Variants in DNAH9 observed in about 807,000 individuals in gnomAD.
The protein encoded by DNAH9 is DNAH9 variant protein.
Under a neutral mutation model 471.6 loss-of-function variants are expected in DNAH9, and 345 were observed. The observed-to-expected ratio is 0.73, with a 90% CI of 0.67 to 0.80. The LOEUF (loss-of-function observed/expected upper bound fraction) is 0.80. Among genes scored for constraint, DNAH9 ranks in the 30% least tolerant of loss-of-function variants. The probability of loss-of-function intolerance (pLI) is 0.00; values close to 1 mark genes in which losing one functional copy is unlikely to be tolerated. For synonymous variants in DNAH9, 2,093 were observed against 2,123.6 expected (o/e 0.99, Z 0.40); for missense variants, 5,407 against 5,609.2 (o/e 0.96, Z 1.15).
At chr17:11,923,750 A>G in intron 61 of DNAH9, 64 bp from the exon 62 acceptor site, 1 of 1,593,830 alleles carries the variant, frequency 6.3e-7, no homozygotes, top group African/African-American at 1.3e-5. Flanking sequence ...GCATTTCCTT[A>G]TGAACATCAA....
chr17:11,848,786 A>G (rs867867413), intron 49 of DNAH9, among the ~76,000 whole-genome samples: 7 of 151,100 alleles, frequency 4.6e-5, no homozygotes, highest in African/African-American at 7.3e-5. Flanking sequence ...TAGATTGTCC[A>G]TATACAGACT....
At position 11,769,124 on chromosome 17, in the gene DNAH9, G is replaced by C. The variant is rs1048445167; in HGVS notation, c.7347G>C (p.Ala2449=). 6.2e-7 allele frequency: 1 copy of C among 1,614,174 alleles called. No homozygotes were observed. The highest frequency in any genetic ancestry group is 2.2e-5 in the East Asian group (1 of 44,880). Residue 2449 remains alanine, a splice_region_variant and synonymous_variant, in exon 38 of 69, where the codon GCG becomes GCC. Transcript: ENST00000262442. ...FEFDPEMPLQ[A]CLVHTSETIR... ...GGCTTATTGTGCTCCCATTCCAGGC[G>C]TGTTTGGTGCACACGAGTGAGACCA...
At chr17:11,663,350 T>G (rs1402522447) in intron 14 of DNAH9, among the ~76,000 whole-genome samples, 2 of 152,186 alleles carry the variant, frequency 1.3e-5, no homozygotes, top group Non-Finnish European at 2.9e-5. Flanking sequence ...AATTCTGTCT[T>G]CTCTGCCTAT....
intron 43 of DNAH9, among the ~76,000 whole-genome samples, chr17:11,805,773 G>A (rs1377624111): frequency 2.0e-5 from 3 of 151,944 alleles, no homozygotes; most frequent in East Asian, 3.9e-4. Flanking sequence ...GGCTGGTCTC[G>A]AACTCCTAAC....
intron 49 of DNAH9, among the ~76,000 whole-genome samples, chr17:11,843,861 G>GTA (rs1166364623): frequency 2.8e-4 from 15 of 54,182 alleles, no homozygotes; most frequent in African/African-American, 9.1e-4. Context: ...GTGTGTGTGT[G>GTA]TGTATATATA....
At chr17:11,608,030 AG>A (rs1264603748) in intron 1 of DNAH9, 98 bp from the exon 2 acceptor site, 4 of 871,176 alleles carry the variant, frequency 4.6e-6, no homozygotes, top group Non-Finnish European at 7.1e-6. Flanking sequence ...GACCTGCAAA[AG>A]GTTGTATATA....
chr17:11,966,938 G>C (rs1480957194), intron 68 of DNAH9, among the ~76,000 whole-genome samples: 1 of 150,284 alleles, frequency 6.7e-6, no homozygotes, highest in African/African-American at 2.5e-5. Context: ...GGGAGGCTAA[G>C]GCAGGAGAAT....
chr17:11,747,533 G>C (rs755655748), intron 31 of DNAH9, 23 bp from the exon 32 acceptor site: 2 of 1,606,588 alleles, frequency 1.2e-6, no homozygotes, highest in South Asian at 2.2e-5. Flanking sequence ...TGGTCCCTCT[G>C]GCTGAATTTC....
At chr17:11,860,231 C>T (rs1298684790) in intron 50 of DNAH9, among the ~76,000 whole-genome samples, 1 of 152,190 alleles carries the variant, frequency 6.6e-6, no homozygotes, top group East Asian at 1.9e-4. Flanking sequence ...AGAGTTTCTA[C>T]TTTCCTTTAT....
intron 66 of DNAH9, among the ~76,000 whole-genome samples, chr17:11,938,456 C>CAAA (rs11364413): frequency 9.9e-5 from 11 of 111,412 alleles, no homozygotes; most frequent in South Asian, 2.8e-4. Context: ...AGACTGTCTC[C>CAAA]AAAAAAAAAA....
intron 10 of DNAH9, 86 bp from the exon 11 acceptor site, chr17:11,644,545 C>A: frequency 2.0e-6 from 2 of 977,910 alleles, no homozygotes; most frequent in Non-Finnish European, 3.1e-6. Flanking sequence ...TATTCACGCT[C>A]TTCTTTGGAG....
At chr17:11,852,822 A>G (rs398041500) in intron 49 of DNAH9, among the ~76,000 whole-genome samples, 23,367 of 81,430 alleles carry the variant, frequency 0.29, 4,257 homozygotes, top group Admixed American at 0.41. Flanking sequence ...GTGTATATAT[A>G]TATATATATA....
rs796145032 is a variant in DNAH9, at chr17:11,778,962, C to T, written c.7553-2047C>T. 3.4e-4 allele frequency among the ~76,000 whole-genome samples: 51 copies of T among 152,080 alleles called. 1 individual carries two copies. The highest frequency in any genetic ancestry group is 1.1e-3 in the African/African-American group (44 of 41,474). Reference sequence around the variant, plus strand: ...CAGAGGTTGCAGTAAGCCGAGGTTGCACCACGGCACTCCAGCCTGGGCAAC... The same window carrying T: ...CAGAGGTTGCAGTAAGCCGAGGTTGTACCACGGCACTCCAGCCTGGGCAAC... On this transcript the variant is annotated intron_variant, in intron 38 of 68. Coordinates refer to ENST00000262442, the MANE Select transcript of DNAH9 (RefSeq NM_001372.4).
chr17:11,927,754 G>C (rs1425957458), intron 62 of DNAH9, among the ~76,000 whole-genome samples: 1 of 152,178 alleles, frequency 6.6e-6, no homozygotes, highest in East Asian at 1.9e-4. Flanking sequence ...CTTCCTGGCT[G>C]TAGGAGCTAT....
rs373718876 is a variant in DNAH9, at chr17:11,603,822, T to C, written c.418-4307T>C. 1.1e-3 allele frequency among the ~76,000 whole-genome samples: 169 copies of C among 152,300 alleles called. 2 individuals carry two copies. Among genetic ancestry groups the C allele is most frequent in the African/African-American group, 3.9e-3 (163 of 41,554 alleles). On this transcript the variant is annotated intron_variant, in intron 1 of 68. Coordinates refer to ENST00000262442, the MANE Select transcript of DNAH9 (RefSeq NM_001372.4). ...AGAGGAATAAAATAACGTGTCAATGTTTCTGATGATCTCCACTTGACTAAA... is the reference window on the plus strand; with the variant it reads ...AGAGGAATAAAATAACGTGTCAATGCTTCTGATGATCTCCACTTGACTAAA...
chr17:11,662,824 C>T (rs1219320518), intron 14 of DNAH9, among the ~76,000 whole-genome samples: 7 of 122,158 alleles, frequency 5.7e-5, no homozygotes, highest in African/African-American at 2.1e-4. Flanking sequence ...GGCGGGATCT[C>T]GGCTCACTGC....
intron 50 of DNAH9, among the ~76,000 whole-genome samples, 177 bp downstream of exon 50, chr17:11,854,605 G>A (rs965159924): frequency 1.3e-5 from 2 of 152,158 alleles, no homozygotes; most frequent in Admixed American, 6.5e-5. Context: ...CTCAAACACT[G>A]TATAGGCCAA....
intron 12 of DNAH9, among the ~76,000 whole-genome samples, chr17:11,648,040 C>T (rs976021137): frequency 3.3e-5 from 5 of 152,116 alleles, no homozygotes; most frequent in African/African-American, 4.8e-5. Flanking sequence ...CAGTGGGGAC[C>T]GTAGCAGCCA....
chr17:11,954,596 A>C (rs948784773), intron 67 of DNAH9, among the ~76,000 whole-genome samples: 1 of 152,068 alleles, frequency 6.6e-6, no homozygotes, highest in African/African-American at 2.4e-5. Context: ...AATAGCTTTC[A>C]AAAAAGAAAA....
Sources: allele counts gnomAD v4.1 joint callset (sites outside exome capture counted in the v4.1 genomes callset), GRCh38; gene constraint gnomAD v4.1.1; transcripts MANE v1.5; gene names NCBI Gene and HGNC (gene_info 2026-07-23, HGNC 2026-07-21).